Variants in ZMIZ1 observed in about 807,000 individuals in gnomAD.
ZMIZ1 encodes the protein zinc finger MIZ-type containing 1, also known as zinc finger MIZ domain-containing protein 1.
A neutral mutation model predicts 113.9 loss-of-function variants in ZMIZ1; 17 were observed. The ratio of observed to expected loss-of-function variants is 0.15; its 90% CI spans 0.10 to 0.22. The LOEUF is 0.22. Among genes scored for constraint, ZMIZ1 ranks in the 10% least tolerant of loss-of-function variants. The probability of loss-of-function intolerance (pLI) is 1.00; values close to 1 mark genes in which losing one functional copy is unlikely to be tolerated. For missense variants in ZMIZ1, 1,059 were observed against 1,477.8 expected (o/e 0.72, Z 4.65); for synonymous variants, 607 against 603.1 (o/e 1.01, Z -0.09).
chr10:79,105,003 C>T (rs1163949397), intron 1 of ZMIZ1, among the ~76,000 whole-genome samples: 3 of 143,520 alleles, frequency 2.1e-5, no homozygotes, highest in Non-Finnish European at 4.5e-5. Flanking sequence ...GTCTTAACTG[C>T]CATGGGTTTT....
chr10:79,122,650 A>G (rs905611000), intron 2 of ZMIZ1, among the ~76,000 whole-genome samples: 3 of 152,164 alleles, frequency 2.0e-5, no homozygotes, highest in African/African-American at 7.2e-5. Flanking sequence ...GACCTCTTGC[A>G]CTATAGAGTT....
chr10:79,078,244 G>A (rs1371455445), intron 1 of ZMIZ1, among the ~76,000 whole-genome samples: 1 of 152,128 alleles, frequency 6.6e-6, no homozygotes, highest in African/African-American at 2.4e-5. Context: ...CTCGTGTGAA[G>A]GGAAGGAGGC....
chr10:79,315,987 T>G lies in ZMIZ1; in HGVS notation c.*3238T>G, dbSNP rs918700867. The G allele has an allele frequency of 6.5e-6, 1 of 152,800 alleles. No homozygotes were observed. Among genetic ancestry groups the G allele is most frequent in the Non-Finnish European group, 1.5e-5 (1 of 68,044 alleles). 9.5% of individuals were successfully genotyped at this position (152,800 alleles called of 1,614,324 possible). A position where few individuals can be genotyped will look rare whatever the true frequency, so the allele number is the denominator to read the frequency against. The stretch of plus-strand genomic sequence containing the variant: ...TCTGACCCTGAGTGGAAAGGGGTTT[T>G]TGTTCTGTTTTTATTTTACCTACAT... On this transcript the variant is annotated 3_prime_UTR_variant, in exon 25 of 25. Coordinates refer to ENST00000334512, the MANE Select transcript of ZMIZ1 (RefSeq NM_020338.4).
At chr10:79,094,966 A>AGAG (rs1184311483) in intron 1 of ZMIZ1, among the ~76,000 whole-genome samples, 1 of 144,904 alleles carries the variant, frequency 6.9e-6, no homozygotes, top group Non-Finnish European at 1.6e-5. Flanking sequence ...AAAAAAAAAA[A>AGAG]AAAGAGAGAG....
At chr10:79,299,026 AC>A in intron 15 of ZMIZ1, 23 bp from the exon 16 acceptor site, 1 of 1,588,874 alleles carries the variant, frequency 6.3e-7, no homozygotes, top group African/African-American at 1.3e-5. Context: ...CTTGTGGCTC[AC>A]CCACCTCCTC....
chr10:79,167,801 T>C (rs1336033975), intron 4 of ZMIZ1, among the ~76,000 whole-genome samples: 1 of 152,140 alleles, frequency 6.6e-6, no homozygotes, highest in Non-Finnish European at 1.5e-5. Flanking sequence ...TGAGAGCCTT[T>C]GTTCCTCCCA....
At chr10:79,224,804 G>A (rs1375934669) in intron 7 of ZMIZ1, among the ~76,000 whole-genome samples, 1 of 152,174 alleles carries the variant, frequency 6.6e-6, no homozygotes, top group Non-Finnish European at 1.5e-5. Flanking sequence ...AGCCTGCGGT[G>A]AGGATTCCAG....
chr10:79,216,330 C>A, intron 7 of ZMIZ1, 56 bp downstream of exon 7: 1 of 1,481,298 alleles, frequency 6.8e-7, no homozygotes. Context: ...GGGGAACTGA[C>A]TATAAACCAT....
At chr10:79,111,352 G>C (rs1843730360) in intron 1 of ZMIZ1, among the ~76,000 whole-genome samples, 1 of 152,218 alleles carries the variant, frequency 6.6e-6, no homozygotes, top group African/African-American at 2.4e-5. Context: ...GGACAAAGAG[G>C]ATTTAGCTCA....
At chr10:79,097,379 G>T (rs1228420907) in intron 1 of ZMIZ1, among the ~76,000 whole-genome samples, 1 of 152,192 alleles carries the variant, frequency 6.6e-6, no homozygotes, top group Non-Finnish European at 1.5e-5. Context: ...TGTCATAGAG[G>T]GCAGAGGAGG....
chr10:79,228,240 A>G (rs1352731227), intron 7 of ZMIZ1, among the ~76,000 whole-genome samples: 3 of 152,254 alleles, frequency 2.0e-5, no homozygotes, highest in Admixed American at 6.5e-5. Flanking sequence ...CATTCTATAG[A>G]TTAGGAAACT....
At chr10:79,279,067 C>T (rs1460769567) in intron 8 of ZMIZ1, among the ~76,000 whole-genome samples, 1 of 145,008 alleles carries the variant, frequency 6.9e-6, no homozygotes, top group East Asian at 2.2e-4. Context: ...GCGGGGGCTG[C>T]CCCCCACCTC....
intron 3 of ZMIZ1, among the ~76,000 whole-genome samples, chr10:79,145,495 A>T (rs1589333226): frequency 1.3e-5 from 2 of 151,942 alleles, no homozygotes; most frequent in Admixed American, 1.3e-4. Flanking sequence ...TAACTGTGTG[A>T]CCTTCCGGTT....
intron 7 of ZMIZ1, among the ~76,000 whole-genome samples, chr10:79,231,585 T>G: frequency 6.6e-6 from 1 of 150,800 alleles, no homozygotes; most frequent in East Asian, 2.0e-4. Context: ...GTTTTTTGTT[T>G]TTTTTTGTTT....
At chr10:79,287,401 A>T (rs745683712) in intron 8 of ZMIZ1, among the ~76,000 whole-genome samples, 5 of 152,224 alleles carry the variant, frequency 3.3e-5, no homozygotes, top group Non-Finnish European at 5.9e-5. Flanking sequence ...TGGCCAACTG[A>T]GTGCCCTGAG....
intron 4 of ZMIZ1, among the ~76,000 whole-genome samples, chr10:79,169,461 A>G (rs1846512763): frequency 6.6e-6 from 1 of 152,242 alleles, no homozygotes. Flanking sequence ...AAGAAATGCA[A>G]CAGACTTCCT....
intron 1 of ZMIZ1, among the ~76,000 whole-genome samples, chr10:79,095,103 C>G (rs142495030): frequency 6.6e-6 from 1 of 152,214 alleles, no homozygotes; most frequent in Non-Finnish European, 1.5e-5. Context: ...GGTTCATATC[C>G]TGTGTCTTCC....
rs1214141859 is a variant in ZMIZ1 at position 79,313,042 on chromosome 10, G to T, written c.*293G>T. The T allele has an allele frequency of 1.8e-5, 8 of 434,828 alleles. No individual in the cohort carries two copies. The highest frequency in any genetic ancestry group is 2.9e-5 in the Non-Finnish European group (7 of 239,996). The allele number at this position is 434,828 out of a possible 1,614,324, so 26.9% of individuals were successfully genotyped here. ...CACCCTCCCGAGAGGAACCAGCCCG[G>T]TAAGAGGGCACACGCTGATGCGGCT... On this transcript the variant is annotated 3_prime_UTR_variant, in exon 25 of 25. Transcript: ENST00000334512.
At position 79,292,229 on chromosome 10, in the gene ZMIZ1, C is replaced by T; in HGVS notation, c.830C>T (p.Thr277Ile). 1 of 1,612,548 alleles carries T rather than the reference C, an allele frequency of 6.2e-7. No homozygotes were observed. The highest frequency in any genetic ancestry group is 8.5e-7 in the Non-Finnish European group (1 of 1,179,694). The change falls in exon 11 of 25, where the codon ACT becomes ATT. Residue 277 changes from threonine (T) to isoleucine (I), a missense_variant. Physicochemically the swap from Thr to Ile is moderately conservative, Grantham distance 89. This residue lies in a region of ZMIZ1 where 23 missense variants were observed against 73.3 expected (regional missense o/e 0.31). Transcript: ENST00000334512. ...CACACCAGGCCGCCTGCTGACTTCA[C>T]TCAGCCCGCGGCAGCCGCTGCAGCA... ...PPHTRPPADF[T>I]QPAAAAAAAA...
Sources: allele counts gnomAD v4.1 joint callset (sites outside exome capture counted in the v4.1 genomes callset), GRCh38; gene constraint gnomAD v4.1.1; regional missense constraint gnomAD v4.1.1; transcripts MANE v1.5; gene names NCBI Gene and HGNC (gene_info 2026-07-23, HGNC 2026-07-21).